SLC7A7: variants seen among roughly 807,000 people sequenced by gnomAD.
SLC7A7 encodes the protein solute carrier family 7 member 7.
SLC7A7 carries 39 observed loss-of-function variants against 47.9 expected under a neutral mutation model. That is an observed-to-expected ratio of 0.81 (90% CI 0.63 to 1.06). The LOEUF (loss-of-function observed/expected upper bound fraction) is 1.06, where lower values mean the gene tolerates loss of function less well. Ranked by LOEUF, SLC7A7 falls within the 50% of genes least tolerant of loss-of-function variation. SLC7A7 has a pLI of 0.00. For missense variants in SLC7A7, 588 were observed against 632.0 expected, an observed-to-expected ratio of 0.93 and a Z score of 0.75; for synonymous variants, 234 against 242.8, an observed-to-expected ratio of 0.96 and a Z score of 0.34.
chr14:22,818,749 G>A (rs942284833), upstream of SLC7A7, among the ~76,000 whole-genome samples: 9 of 151,612 alleles, frequency 5.9e-5, no homozygotes, highest in South Asian at 2.1e-4. Flanking sequence ...GCCCGCCACC[G>A]CGCCCAGCTA....
intron 2 of SLC7A7, among the ~76,000 whole-genome samples, chr14:22,791,997 G>A (rs1324058932): frequency 7.9e-5 from 12 of 151,954 alleles, no homozygotes; most frequent in Non-Finnish European, 8.8e-5. Flanking sequence ...ACCACGTCCG[G>A]CTAATTTTTT....
chr14:22,794,623 C>T lies in SLC7A7; in HGVS notation c.500-14572G>A, dbSNP rs371497569. Reference sequence around the variant, plus strand: ...TGATGCAGGAGACCTGAGACAGTTTCGCAGGCTAATCTGAGGATCTGCTTC... The same window carrying T: ...TGATGCAGGAGACCTGAGACAGTTTTGCAGGCTAATCTGAGGATCTGCTTC... On this transcript the variant is annotated intron_variant, in intron 2 of 9. Coordinates refer to ENST00000674313, the MANE Select transcript of SLC7A7 (RefSeq NM_003982.4). 1.7e-3 allele frequency among the ~76,000 whole-genome samples: 256 copies of T among 152,246 alleles called. 2 individuals carry two copies. Among genetic ancestry groups the T allele is most frequent in the African/African-American group, 5.2e-3 (216 of 41,546 alleles).
intron 2 of SLC7A7, among the ~76,000 whole-genome samples, chr14:22,788,393 G>A (rs921572134): frequency 3.3e-5 from 5 of 152,074 alleles, no homozygotes; most frequent in Non-Finnish European, 7.4e-5. Context: ...CAACCCAAAT[G>A]CCCAGCAACA....
At chr14:22,774,943 A>G (rs544224869) in intron 7 of SLC7A7, among the ~76,000 whole-genome samples, 1 of 152,314 alleles carries the variant, frequency 6.6e-6, no homozygotes, top group African/African-American at 2.4e-5. Flanking sequence ...TATTCAGATT[A>G]GGGATACTCA....
chr14:22,804,732 T>C (rs2039172031), intron 2 of SLC7A7, among the ~76,000 whole-genome samples: 1 of 152,070 alleles, frequency 6.6e-6, no homozygotes, highest in South Asian at 2.1e-4. Context: ...GTGGTTCACA[T>C]CTGTAATCCC....
At chr14:22,817,266 C>T, upstream of SLC7A7, 1 of 266,104 alleles carries the variant, frequency 3.8e-6, no homozygotes, top group Non-Finnish European at 7.6e-6. Flanking sequence ...ATGCATCAGC[C>T]TCCTGAGTAA....
At chr14:22,783,264 T>C (rs2038752584) in intron 2 of SLC7A7, among the ~76,000 whole-genome samples, 2 of 151,764 alleles carry the variant, frequency 1.3e-5, no homozygotes, top group South Asian at 4.2e-4. Context: ...GGTCTTGCTA[T>C]GTGGCCCAGG....
upstream of SLC7A7, chr14:22,817,141 T>TATTTTTTA (rs111507412): frequency 0.5 from 77,045 of 153,566 alleles, 19,437 homozygotes; most frequent in South Asian, 0.63. Flanking sequence ...TTTTTTTTTT[T>TATTTTTTA]TTTATTTATT....
intron 3 of SLC7A7, among the ~76,000 whole-genome samples, chr14:22,779,273 C>T (rs1051375636): frequency 1.3e-5 from 2 of 152,072 alleles, no homozygotes; most frequent in Admixed American, 1.3e-4. Flanking sequence ...TGATTCCTGC[C>T]TCCTATCACA....
At chr14:22,804,767 T>G (rs1594975733) in intron 2 of SLC7A7, among the ~76,000 whole-genome samples, 1 of 151,988 alleles carries the variant, frequency 6.6e-6, no homozygotes, top group Non-Finnish European at 1.5e-5. Flanking sequence ...CTGAGGCAGG[T>G]GGATCACCTG....
intron 2 of SLC7A7, among the ~76,000 whole-genome samples, chr14:22,803,910 T>C (rs952044258): frequency 1.3e-5 from 2 of 152,218 alleles, no homozygotes; most frequent in South Asian, 4.1e-4. Context: ...TTCAGTTCCA[T>C]GCTTTATAGA....
intron 4 of SLC7A7, among the ~76,000 whole-genome samples, chr14:22,777,249 A>G (rs1016249971): frequency 6.6e-6 from 1 of 152,124 alleles, no homozygotes; most frequent in African/African-American, 2.4e-5. Flanking sequence ...TTATACCCCA[A>G]AGATCTTTTG....
At position 22,810,462 on chromosome 14, in the gene SLC7A7, C is replaced by CAAAAA. The variant is rs59569324; in HGVS notation, c.499+2433_499+2437dup. On this transcript the variant is annotated intron_variant, in intron 2 of 9. Transcript: ENST00000674313. ...GGGCAACAAGAGCGAAACTCCATCTCAAAAAAAAAAAAAAAAATAGATTTC... is the reference window on the plus strand; with the variant it reads ...GGGCAACAAGAGCGAAACTCCATCTCAAAAAAAAAAAAAAAAAAAAAATAGATTTC... Among the ~76,000 whole-genome samples the CAAAAA allele has an allele frequency of 7.1e-4, 68 of 95,672 alleles. 1 individual carries two copies. The highest frequency in any genetic ancestry group is 1.2e-3 in the Admixed American group (10 of 8,152). The allele number at this position is 95,672 out of a possible 152,430, so 62.8% of individuals were successfully genotyped here.
At chr14:22,778,157 G>T (rs998030475) in intron 4 of SLC7A7, among the ~76,000 whole-genome samples, 3 of 152,146 alleles carry the variant, frequency 2.0e-5, no homozygotes, top group African/African-American at 7.2e-5. Context: ...GCCAGGAAAG[G>T]CCATGGAGAT....
At chr14:22,781,798 C>T (rs1488085391) in intron 2 of SLC7A7, among the ~76,000 whole-genome samples, 1 of 152,192 alleles carries the variant, frequency 6.6e-6, no homozygotes, top group Non-Finnish European at 1.5e-5. Context: ...ACAACATAGC[C>T]AGGTTTCCAA....
At chr14:22,784,604 A>G (rs1033390446) in intron 2 of SLC7A7, among the ~76,000 whole-genome samples, 20 of 151,694 alleles carry the variant, frequency 1.3e-4, no homozygotes, top group African/African-American at 4.1e-4. Context: ...GTGACAGAGC[A>G]AGACTCCATC....
At chr14:22,814,633 G>A (rs75019453) in intron 1 of SLC7A7, 7,030 of 152,124 alleles carry the variant, frequency 0.046, 149 homozygotes, top group Non-Finnish European at 0.053. Context: ...TCCAAAACCC[G>A]TCTTCCCTCC....
At chr14:22,790,098 G>T (rs1594959586) in intron 2 of SLC7A7, among the ~76,000 whole-genome samples, 1 of 152,214 alleles carries the variant, frequency 6.6e-6, no homozygotes, top group East Asian at 1.9e-4. Flanking sequence ...GGAGGCCAGG[G>T]TGGGCTGATC....
chr14:22,802,247 A>T (rs1023679191), intron 2 of SLC7A7, among the ~76,000 whole-genome samples: 1 of 152,108 alleles, frequency 6.6e-6, no homozygotes. Flanking sequence ...TACTAAAAAT[A>T]CAAAAATTAG....
Sources: allele counts gnomAD v4.1 joint callset (sites outside exome capture counted in the v4.1 genomes callset), GRCh38; gene constraint gnomAD v4.1.1; transcripts MANE v1.5; gene names NCBI Gene and HGNC (gene_info 2026-07-23, HGNC 2026-07-21).